MANBA: variants seen among roughly 807,000 people sequenced by gnomAD.
The protein encoded by MANBA is beta-mannosidase.
MANBA carries 83 observed loss-of-function variants against 111.1 expected under a neutral mutation model. The observed-to-expected ratio is 0.75, with a 90% CI of 0.63 to 0.90. MANBA has a LOEUF of 0.90. Ranked by LOEUF, MANBA falls within the 40% of genes least tolerant of loss-of-function variation. The pLI is 0.00. For missense variants in MANBA, 1,036 were observed against 1,069.0 expected (o/e 0.97, Z 0.43); for synonymous variants, 370 against 378.7 (o/e 0.98, Z 0.27).
intron 5 of MANBA, among the ~76,000 whole-genome samples, chr4:102,713,331 A>G (rs1042322262): frequency 6.6e-6 from 1 of 152,000 alleles, no homozygotes; most frequent in African/African-American, 2.4e-5. Flanking sequence ...AACTTCTCAA[A>G]TCCTCACTGA....
chr4:102,639,002 A>G (rs1729750884), intron 14 of MANBA, among the ~76,000 whole-genome samples: 1 of 152,064 alleles, frequency 6.6e-6, no homozygotes, highest in African/African-American at 2.4e-5. Flanking sequence ...TACATTATTA[A>G]CTGAACTTTG....
intron 1 of MANBA, chr4:102,727,277 C>T (rs1185332238): frequency 5.3e-6 from 3 of 561,562 alleles, no homozygotes; most frequent in South Asian, 2.0e-5. Context: ...CCTCACTTGA[C>T]TTCTGCTCTT....
chr4:102,752,605 C>CAGAT, intron 1 of MANBA: 1 of 613,284 alleles, frequency 1.6e-6, no homozygotes, highest in South Asian at 1.4e-5. Flanking sequence ...TGTATTCCTA[C>CAGAT]AGATATTCAC....
At chr4:102,728,492 G>GA (rs1389210216) in intron 1 of MANBA, 8 of 374,892 alleles carry the variant, frequency 2.1e-5, no homozygotes, top group Admixed American at 3.7e-5. Flanking sequence ...TTTCACATTT[G>GA]AAAAAAACAG....
At chr4:102,662,030 C>G (rs1220508177) in intron 11 of MANBA, among the ~76,000 whole-genome samples, 1 of 152,014 alleles carries the variant, frequency 6.6e-6, no homozygotes, top group Non-Finnish European at 1.5e-5. Context: ...CAGTTATTGC[C>G]CATGGCTCGT....
intron 5 of MANBA, among the ~76,000 whole-genome samples, chr4:102,711,138 G>C (rs548925063): frequency 1.3e-3 from 202 of 152,228 alleles, no homozygotes; most frequent in African/African-American, 4.5e-3. Flanking sequence ...AAACTAAAAA[G>C]CTTCTTCACA....
chr4:102,756,666 T>C (rs1206739335), intron 1 of MANBA, among the ~76,000 whole-genome samples: 2 of 150,884 alleles, frequency 1.3e-5, no homozygotes, highest in African/African-American at 2.4e-5. Context: ...AATAAATAAA[T>C]ATATAAAACT....
intron 12 of MANBA, chr4:102,650,963 C>T: frequency 2.5e-6 from 1 of 393,828 alleles, no homozygotes; most frequent in Non-Finnish European, 4.6e-6. Context: ...TTTGATGTTT[C>T]TCTTAAGACT....
chr4:102,749,730 T>C (rs140097282), intron 1 of MANBA, among the ~76,000 whole-genome samples: 40 of 152,306 alleles, frequency 2.6e-4, no homozygotes, highest in Admixed American at 7.8e-4. Context: ...TGAAATTATA[T>C]GAACAAGTGC....
At chr4:102,721,134 G>A (rs1722551463) in intron 4 of MANBA, among the ~76,000 whole-genome samples, 1 of 152,134 alleles carries the variant, frequency 6.6e-6, no homozygotes, top group African/African-American at 2.4e-5. Flanking sequence ...GAGCAGCCTG[G>A]CCAACATGGC....
intron 4 of MANBA, among the ~76,000 whole-genome samples, chr4:102,716,351 T>C (rs934332040): frequency 1.3e-5 from 2 of 148,232 alleles, no homozygotes; most frequent in African/African-American, 4.9e-5. Flanking sequence ...AGGAAACATA[T>C]TGAAAGACAA....
At chr4:102,738,550 G>A (rs954824405) in intron 1 of MANBA, among the ~76,000 whole-genome samples, 1 of 152,220 alleles carries the variant, frequency 6.6e-6, no homozygotes, top group Non-Finnish European at 1.5e-5. Context: ...TAGGGGAAGG[G>A]GGAGAGCATC....
chr4:102,754,941 AG>A (rs1174074030), intron 1 of MANBA, among the ~76,000 whole-genome samples: 3 of 152,148 alleles, frequency 2.0e-5, no homozygotes, highest in Non-Finnish European at 4.4e-5. Context: ...TTACTTTAAT[AG>A]TGGTTATCCT....
chr4:102,699,270 G>C (rs1432275071), intron 5 of MANBA, among the ~76,000 whole-genome samples: 1 of 150,232 alleles, frequency 6.7e-6, no homozygotes, highest in Non-Finnish European at 1.5e-5. Context: ...GAGACAATGG[G>C]GTTTTCTAGA....
intron 5 of MANBA, among the ~76,000 whole-genome samples, chr4:102,705,409 C>T (rs1020758099): frequency 6.6e-6 from 1 of 152,188 alleles, no homozygotes; most frequent in African/African-American, 2.4e-5. Flanking sequence ...CCTACATCTC[C>T]ACATTCCTGG....
chr4:102,756,972 G>GAACT (rs1724049040), intron 1 of MANBA, among the ~76,000 whole-genome samples: 1 of 152,046 alleles, frequency 6.6e-6, no homozygotes, highest in Admixed American at 6.6e-5. Flanking sequence ...CACAAAATAG[G>GAACT]AACTATAGTC....
In MANBA at chr4:102,690,662, T is replaced by C. The variant is rs1389720457; in HGVS notation, c.783A>G (p.Gln261=). Residue 261 remains glutamine, a synonymous_variant, in exon 6 of 17, where the codon CAA becomes CAG. Transcript: ENST00000647097. ...VIVAIPKLQT[Q]QTYSIELQPG... Reference sequence around the variant, plus strand: ...GTTGAAGTTCAATGCTGTATGTCTGTTGTGTTTGCAACTTAGGGATGGCTA... The same window carrying C: ...GTTGAAGTTCAATGCTGTATGTCTGCTGTGTTTGCAACTTAGGGATGGCTA... 4 of 1,612,494 alleles carry C rather than the reference T, an allele frequency of 2.5e-6. No individual in the cohort carries two copies. The South Asian group carries it at 3.3e-5, about 13-fold the overall frequency.
chr4:102,752,411 G>A (rs1723843256), intron 1 of MANBA: 1 of 998,882 alleles, frequency 1.0e-6, no homozygotes, highest in Admixed American at 1.7e-5. Context: ...AATACAGGTT[G>A]CGTGACATTA....
chr4:102,756,226 A>C (rs568048731), intron 1 of MANBA, among the ~76,000 whole-genome samples: 1 of 152,358 alleles, frequency 6.6e-6, no homozygotes, highest in Admixed American at 6.5e-5. Flanking sequence ...AACCAACCCA[A>C]ATGTCCAACA....
Sources: allele counts gnomAD v4.1 joint callset (sites outside exome capture counted in the v4.1 genomes callset), GRCh38; gene constraint gnomAD v4.1.1; transcripts MANE v1.5; gene names NCBI Gene and HGNC (gene_info 2026-07-23, HGNC 2026-07-21).